Variants in CDS2 observed in about 807,000 individuals in gnomAD.
CDS2 encodes CDP-diacylglycerol synthase 2.
CDS2 carries 47 observed loss-of-function variants against 59.0 expected under a neutral mutation model. That is an observed-to-expected ratio of 0.80 (90% confidence interval 0.63 to 1.02). The LOEUF is 1.02. CDS2 is among the 50% of genes least tolerant of loss of function. The probability of loss-of-function intolerance (pLI) is 0.00; values close to 1 mark genes in which losing one functional copy is unlikely to be tolerated. For synonymous variants in CDS2, 207 were observed against 206.4 expected (o/e 1.00, Z -0.02); for missense variants, 356 against 558.9 (o/e 0.64, Z 3.66).
rs1470649546 is a variant in CDS2 at position 5,184,891 on chromosome 20, T to C, written c.705T>C (p.Asn235=). 1 of 1,614,074 alleles carries C rather than the reference T, an allele frequency of 6.2e-7. No homozygotes were observed. The highest frequency in any genetic ancestry group is 1.1e-5 in the South Asian group (1 of 91,082). The change falls in exon 8 of 13, where the codon AAT becomes AAC. Residue 235 remains asparagine (N), a synonymous_variant. Transcript: ENST00000460006. The surrounding 1 kb of genome is among the most constrained non-coding windows in gnomAD (Gnocchi z 4.3). The part of the protein sequence containing the change: ...FIVPISCVIC[N]DIMAYMFGFF... ...TCCCCATATCTTGTGTGATCTGTAA[T>C]GACATCATGGCCTATATGTTTGGCT...
At chr20:5,134,543 G>A (rs1383394070) in intron 1 of CDS2, among the ~76,000 whole-genome samples, 1 of 151,838 alleles carries the variant, frequency 6.6e-6, no homozygotes, top group African/African-American at 2.4e-5. Flanking sequence ...TTTTTGAGAT[G>A]GAGTTTCTCT....
At chr20:5,166,092 G>A (rs115265981) in intron 1 of CDS2, among the ~76,000 whole-genome samples, 1,568 of 152,242 alleles carry the variant, frequency 0.01, 26 homozygotes, top group African/African-American at 0.036. Context: ...TTGCAGTGGC[G>A]AGAGCGTAGG....
intron 9 of CDS2, 101 bp from the exon 10 acceptor site, chr20:5,186,586 G>T: frequency 8.7e-7 from 1 of 1,148,176 alleles, no homozygotes; most frequent in Non-Finnish European, 1.3e-6. Flanking sequence ...AGTTAGCAGG[G>T]TACTAGGCAC....
At chr20:5,141,369 A>G (rs959945943) in intron 1 of CDS2, among the ~76,000 whole-genome samples, 3 of 152,166 alleles carry the variant, frequency 2.0e-5, no homozygotes, top group Non-Finnish European at 2.9e-5. Context: ...TGAAGTCTCT[A>G]TAAAAGGCTT....
intron 10 of CDS2, among the ~76,000 whole-genome samples, chr20:5,188,098 AAC>A (rs995162497): frequency 2.0e-5 from 3 of 151,570 alleles, no homozygotes; most frequent in South Asian, 4.2e-4. Context: ...CATGAGAAAA[AAC>A]ACAAACATAT....
intron 1 of CDS2, among the ~76,000 whole-genome samples, chr20:5,172,596 C>T (rs552343691): frequency 5.3e-5 from 8 of 152,240 alleles, no homozygotes; most frequent in South Asian, 2.1e-4. Context: ...TCCCAGATCC[C>T]GTTTCTTATT....
At chr20:5,135,439 A>C (rs984187518) in intron 1 of CDS2, among the ~76,000 whole-genome samples, 10 of 150,242 alleles carry the variant, frequency 6.7e-5, no homozygotes, top group African/African-American at 1.3e-4. Context: ...GGGGTGAAAA[A>C]GTACAGCTGT....
At chr20:5,150,021 G>A (rs1242392388) in intron 1 of CDS2, among the ~76,000 whole-genome samples, 5 of 152,088 alleles carry the variant, frequency 3.3e-5, no homozygotes, top group Non-Finnish European at 7.4e-5. Flanking sequence ...GGCCCTCCTA[G>A]TATTTTTATA....
At position 5,141,706 on chromosome 20, in the gene CDS2, A is replaced by AG. The variant is rs1427011432; in HGVS notation, c.57+14562dup. On this transcript the variant is annotated intron_variant, in intron 1 of 12. Coordinates refer to ENST00000460006, the MANE Select transcript of CDS2 (RefSeq NM_003818.4). ...CTCAGATCTACAACTGATGGAAAAG[A>AG]GGGGGTGGTCATGTGGGACTGAGCT... is the stretch of plus-strand genomic sequence containing the variant. Among the ~76,000 whole-genome samples, 7 of 152,124 alleles carry AG rather than the reference A, an allele frequency of 4.6e-5. No individual in the cohort carries two copies. In the South Asian group the frequency reaches 6.2e-4, roughly 14 times the overall value.
chr20:5,180,899 T>C (rs2091029107), intron 5 of CDS2, among the ~76,000 whole-genome samples: 1 of 152,170 alleles, frequency 6.6e-6, no homozygotes, highest in African/African-American at 2.4e-5. Context: ...TCGAGGTCTC[T>C]TGTATTCAGG....
rs2091153734 is a variant in CDS2 at position 5,195,906 on chromosome 20, G to A, written c.*5672G>A. ...ATGAATGAAGGGAGAACAGGCACAG[G>A]ACTTAATGAAAAGAGTTTCTTGAAC... On this transcript the variant is annotated 3_prime_UTR_variant, in exon 13 of 13. Coordinates refer to ENST00000460006, the MANE Select transcript of CDS2 (RefSeq NM_003818.4). 3 of 152,114 alleles carry A rather than the reference G, an allele frequency of 2.0e-5. No homozygotes were observed. Among genetic ancestry groups the A allele is most frequent in the Admixed American group, 2.0e-4 (3 of 15,270 alleles). The allele number at this position is 152,114 out of a possible 1,614,324, so 9.4% of individuals were successfully genotyped here.
intron 3 of CDS2, 114 bp from the exon 4 acceptor site, chr20:5,176,534 G>A: frequency 1.3e-6 from 1 of 766,440 alleles, no homozygotes; most frequent in Non-Finnish European, 2.3e-6. Flanking sequence ...AACCACTGGA[G>A]GCCCGATATT....
chr20:5,154,463 T>G (rs1385668272), intron 1 of CDS2, among the ~76,000 whole-genome samples: 2 of 152,174 alleles, frequency 1.3e-5, no homozygotes, highest in Non-Finnish European at 2.9e-5. Context: ...CAAAGTCTCT[T>G]CCACTCTGAG....
intron 1 of CDS2, among the ~76,000 whole-genome samples, chr20:5,145,245 C>CCA (rs1555780924): frequency 8.6e-6 from 1 of 115,884 alleles, no homozygotes; most frequent in African/African-American, 3.2e-5. Flanking sequence ...GACCCCCCCC[C>CCA]CCGCCCCCGC....
At position 5,190,339 on chromosome 20, in the gene CDS2, G is replaced by GTA; in HGVS notation, c.*106_*107insAT. 6.9e-6 allele frequency: 6 copies of GTA among 869,200 alleles called. No individual in the cohort carries two copies. Among genetic ancestry groups the GTA allele is most frequent in the African/African-American group, 1.8e-5 (1 of 54,992 alleles). The allele number at this position is 869,200 out of a possible 1,614,324, so 53.8% of individuals were successfully genotyped here. A position where few individuals can be genotyped will look rare whatever the true frequency, so the allele number is the denominator to read the frequency against. On this transcript the variant is annotated 3_prime_UTR_variant, in exon 13 of 13. Transcript: ENST00000460006. ...GACAATGACGAGGCTTCAACTCACT[G>GTA]TCTTTTTTTTTTTTTTTTGGAGGGT...
At chr20:5,168,749 A>G (rs1016029894) in intron 1 of CDS2, 2 of 455,830 alleles carry the variant, frequency 4.4e-6, no homozygotes, top group African/African-American at 2.0e-5. Context: ...GAGTTCCACA[A>G]ATGCTGTTCT....
chr20:5,168,996 C>T (rs2090935067), intron 1 of CDS2, among the ~76,000 whole-genome samples: 1 of 152,210 alleles, frequency 6.6e-6, no homozygotes, highest in Non-Finnish European at 1.5e-5. Flanking sequence ...GTACACAGGA[C>T]ACTCCATGTG....
chr20:5,133,579 G>C (rs2090625133), intron 1 of CDS2, among the ~76,000 whole-genome samples: 1 of 152,208 alleles, frequency 6.6e-6, no homozygotes, highest in South Asian at 2.1e-4. Flanking sequence ...CCAGGCTGGA[G>C]TGTAATGGTA....
chr20:5,164,398 A>T (rs2090898767), intron 1 of CDS2, among the ~76,000 whole-genome samples: 1 of 152,086 alleles, frequency 6.6e-6, no homozygotes, highest in Non-Finnish European at 1.5e-5. Context: ...AGAAAACACT[A>T]TTGTGAGGTG....
Sources: gnomAD v4.1 joint callset for allele counts (sites outside exome capture counted in the v4.1 genomes callset) on GRCh38, gnomAD v4.1.1 for gene constraint, Gnocchi (gnomAD v3.1) non-coding constraint, MANE v1.5 for transcripts, NCBI Gene and HGNC (gene_info 2026-07-23, HGNC 2026-07-21) for gene names.